Variants in CDH13 observed in about 807,000 individuals in gnomAD.
CDH13 encodes the protein cadherin 13, also known as cadherin-13.
In CDH13, 24 loss-of-function variants were observed where a neutral mutation model predicts 63.8. The observed-to-expected ratio is 0.38, with a 90% CI of 0.27 to 0.53. The LOEUF is 0.53. Ranked by LOEUF, CDH13 falls within the 20% of genes least tolerant of loss-of-function variation. The pLI is 0.85. For synonymous variants in CDH13, 503 were observed against 355.3 expected (o/e 1.42, Z -4.67); for missense variants, 1,049 against 903.1 (o/e 1.16, Z -2.07).
At chr16:82,842,100 A>ATATATGTATG (rs1567590220) in intron 1 of CDH13, among the ~76,000 whole-genome samples, 2 of 33,422 alleles carry the variant, frequency 6.0e-5, no homozygotes, top group Non-Finnish European at 5.9e-5. Context: ...ACATATATAT[A>ATATATGTATG]TATATATATA....
At chr16:83,073,763 T>C (rs2032621096) in intron 3 of CDH13, among the ~76,000 whole-genome samples, 1 of 152,070 alleles carries the variant, frequency 6.6e-6, no homozygotes, top group African/African-American at 2.4e-5. Flanking sequence ...ATGATATATG[T>C]GCTATACTAT....
intron 5 of CDH13, among the ~76,000 whole-genome samples, chr16:83,333,246 T>G (rs888351902): frequency 2.0e-5 from 3 of 152,056 alleles, no homozygotes; most frequent in Non-Finnish European, 4.4e-5. Context: ...TGCAAGTTGT[T>G]GGCGTCAGAG....
rs187997502 is a variant in CDH13, at chr16:83,209,861, C to T, written c.484-7484C>T. ...GAAGGTTCAGTGGGTAAGTAATCGCCGGCACCAAGTCCAGGAAGATGAGGG... is the reference window on the plus strand; with the variant it reads ...GAAGGTTCAGTGGGTAAGTAATCGCTGGCACCAAGTCCAGGAAGATGAGGG... On this transcript the variant is annotated intron_variant, in intron 4 of 13. Transcript: ENST00000567109. Among the ~76,000 whole-genome samples, 6 of 152,068 alleles carry T rather than the reference C, an allele frequency of 3.9e-5. No individual in the cohort carries two copies. In the East Asian group the frequency reaches 9.7e-4, roughly 25 times the overall value.
chr16:82,772,327 A>C (rs752801733), intron 1 of CDH13, among the ~76,000 whole-genome samples: 2 of 152,156 alleles, frequency 1.3e-5, no homozygotes, highest in South Asian at 4.1e-4. Flanking sequence ...GTCCGTGTGC[A>C]CTAAAATGGC....
At chr16:83,418,037 C>G (rs1008331457) in intron 6 of CDH13, among the ~76,000 whole-genome samples, 1 of 152,076 alleles carries the variant, frequency 6.6e-6, no homozygotes, top group Non-Finnish European at 1.5e-5. Flanking sequence ...CTCTTCCAGA[C>G]ACTTTCTCCT....
rs543000368 is a variant in CDH13, at chr16:83,085,905, T to C, written c.367-39480T>C. 1.1e-4 allele frequency among the ~76,000 whole-genome samples: 17 copies of C among 152,338 alleles called. No homozygotes were observed. The East Asian group carries it at 2.9e-3, about 26-fold the overall frequency. ...CCCTTAATTTATTCTTTAGAATACC[T>C]ATTAATTCAGAAGTGTTCTGAATGG... is the stretch of plus-strand genomic sequence containing the variant. On this transcript the variant is annotated intron_variant, in intron 3 of 13. Transcript: ENST00000567109.
intron 2 of CDH13, among the ~76,000 whole-genome samples, chr16:82,877,796 AT>A (rs76873049): frequency 0.51 from 70,519 of 137,806 alleles, 17,760 homozygotes; most frequent in African/African-American, 0.58. Context: ...ACCTCTATTC[AT>A]TTTTTTTTTT....
At position 82,944,331 on chromosome 16, in the gene CDH13, G is replaced by A. The variant is rs566929431; in HGVS notation, c.157+85858G>A. Among the ~76,000 whole-genome samples the A allele has an allele frequency of 6.4e-4, 98 of 152,264 alleles. 1 individual carries two copies. The Middle Eastern group carries it at 0.014, about 21-fold the overall frequency. On this transcript the variant is annotated intron_variant, in intron 2 of 13. Coordinates refer to ENST00000567109, the MANE Select transcript of CDH13 (RefSeq NM_001257.5). ...GGTGGAAAATGGATTACTACTCAAC[G>A]TGTTTACCGATACTGTGTGTCTGTA...
intron 2 of CDH13, among the ~76,000 whole-genome samples, chr16:82,886,838 T>G (rs2040905158): frequency 6.6e-6 from 1 of 152,140 alleles, no homozygotes; most frequent in Non-Finnish European, 1.5e-5. Context: ...TACCTTTGAG[T>G]GGGTCTCATT....
intron 2 of CDH13, among the ~76,000 whole-genome samples, chr16:82,872,118 G>A (rs186521274): frequency 3.9e-5 from 6 of 152,222 alleles, no homozygotes; most frequent in Admixed American, 6.5e-5. Context: ...ATTGTGCTCT[G>A]TTGCTAAGGT....
chr16:82,749,186 A>G (rs1209185426), intron 1 of CDH13, among the ~76,000 whole-genome samples: 13 of 152,078 alleles, frequency 8.5e-5, no homozygotes, highest in Non-Finnish European at 2.9e-5. Context: ...AGAGAGAGAG[A>G]AGGAGGAAGG....
intron 1 of CDH13, among the ~76,000 whole-genome samples, chr16:82,764,754 T>C (rs79573930): frequency 0.015 from 2,292 of 152,252 alleles, 56 homozygotes; most frequent in African/African-American, 0.053. Context: ...CTTTATCTCT[T>C]TATCTTGTGA....
intron 1 of CDH13, among the ~76,000 whole-genome samples, chr16:82,803,782 T>C (rs2036995294): frequency 6.6e-6 from 1 of 152,130 alleles, no homozygotes; most frequent in Non-Finnish European, 1.5e-5. Context: ...GTCAGACTAA[T>C]AGAAGCAGAG....
intron 2 of CDH13, among the ~76,000 whole-genome samples, chr16:82,983,148 A>G (rs74396805): frequency 0.023 from 3,473 of 152,242 alleles, 52 homozygotes; most frequent in South Asian, 0.029. Flanking sequence ...GGGAATCTTC[A>G]AACTCATTCA....
intron 7 of CDH13, among the ~76,000 whole-genome samples, chr16:83,559,693 T>A (rs1468308387): frequency 2.0e-5 from 3 of 152,002 alleles, no homozygotes; most frequent in Non-Finnish European, 4.4e-5. Flanking sequence ...GTAGGCACCT[T>A]AATTCTACCC....
intron 2 of CDH13, among the ~76,000 whole-genome samples, chr16:82,924,345 G>C (rs1339027698): frequency 6.6e-6 from 1 of 151,986 alleles, no homozygotes; most frequent in Non-Finnish European, 1.5e-5. Flanking sequence ...ATTCGTAAAA[G>C]TCAACATAAT....
At chr16:83,411,896 A>G (rs1208048434) in intron 6 of CDH13, among the ~76,000 whole-genome samples, 5 of 152,332 alleles carry the variant, frequency 3.3e-5, no homozygotes, top group African/African-American at 1.2e-4. Context: ...CCCACATTAC[A>G]GAGGAAAAAC....
intron 7 of CDH13, among the ~76,000 whole-genome samples, chr16:83,599,823 A>G (rs923212706): frequency 1.3e-5 from 2 of 152,210 alleles, no homozygotes; most frequent in Admixed American, 6.5e-5. Flanking sequence ...ATAAGTAACA[A>G]TGTTTTATGA....
chr16:82,743,512 C>G (rs2034027503), intron 1 of CDH13, among the ~76,000 whole-genome samples: 2 of 152,202 alleles, frequency 1.3e-5, no homozygotes, highest in South Asian at 4.1e-4. Context: ...AGCCACTGCA[C>G]CCATCTACTA....
Sources: allele counts gnomAD v4.1 joint callset (sites outside exome capture counted in the v4.1 genomes callset), GRCh38; gene constraint gnomAD v4.1.1; transcripts MANE v1.5; gene names NCBI Gene and HGNC (gene_info 2026-07-23, HGNC 2026-07-21).